DERA: variants seen among roughly 807,000 people sequenced by gnomAD.
DERA encodes deoxyribose-phosphate aldolase.
A neutral mutation model predicts 41.1 loss-of-function variants in DERA; 15 were observed. That is an observed-to-expected ratio of 0.37 (90% CI 0.24 to 0.56). The LOEUF (loss-of-function observed/expected upper bound fraction) is 0.56. Ranked by LOEUF, DERA falls within the 20% of genes least tolerant of loss-of-function variation. The pLI, the probability that DERA is intolerant of heterozygous loss-of-function variation, is 0.81. For synonymous variants in DERA, 139 were observed against 137.4 expected (o/e 1.01, Z -0.08); for missense variants, 396 against 403.4 (o/e 0.98, Z 0.16).
rs1948857571 is a variant in DERA at position 15,998,991 on chromosome 12, A to C, written c.637+16555A>C. 6.6e-6 allele frequency among the ~76,000 whole-genome samples: 1 copy of C among 152,216 alleles called. No individual in the cohort carries two copies. Among genetic ancestry groups the C allele is most frequent in the South Asian group, 2.1e-4 (1 of 4,828 alleles). On this transcript the variant is annotated intron_variant, in intron 6 of 8. Coordinates refer to ENST00000428559, the MANE Select transcript of DERA (RefSeq NM_015954.4). The surrounding 1 kb of genome is among the most constrained non-coding windows in gnomAD (Gnocchi z 4.8). ...ATTCTTCTACTGTTCTGATAGCACT[A>C]TCAAGATTTCACCTCCTTTCATCTT...
In DERA at chr12:15,979,457, G is replaced by T. The variant is rs79021797; in HGVS notation, c.509-2851G>T. On this transcript the variant is annotated intron_variant, in intron 5 of 8. Transcript: ENST00000428559. ...TTGCCTCACTCTTTAAGATTCAAAG[G>T]CCTGAGTAGAAGCAATCACTTGATA... Among the ~76,000 whole-genome samples the T allele has an allele frequency of 3.3e-3, 507 of 152,306 alleles. 1 individual carries two copies. The highest frequency in any genetic ancestry group is 0.01 in the Middle Eastern group (3 of 294).
At position 15,988,298 on chromosome 12, in the gene DERA, G is replaced by A. The variant is rs1948778843; in HGVS notation, c.637+5862G>A. 6.6e-6 allele frequency among the ~76,000 whole-genome samples: 1 copy of A among 152,202 alleles called. No homozygotes were observed. Among genetic ancestry groups the A allele is most frequent in the Non-Finnish European group, 1.5e-5 (1 of 68,034 alleles). ...GCCATTTGGTGGGTCCTGAGTTCTTGTCCTGTGTCCAGGAAGAAAGAAGTA... is the reference window on the plus strand; with the variant it reads ...GCCATTTGGTGGGTCCTGAGTTCTTATCCTGTGTCCAGGAAGAAAGAAGTA... On this transcript the variant is annotated intron_variant, in intron 6 of 8. Coordinates refer to ENST00000428559, the MANE Select transcript of DERA (RefSeq NM_015954.4). This position sits in a 1 kb window ranked among gnomAD's most constrained non-coding sequence, Gnocchi z 6.0.
chr12:15,930,194 A>T lies in DERA; in HGVS notation c.31+18780A>T, dbSNP rs191563870. ...ATTCTGACCTTAAAGCTAAAGAATA[A>T]TTGTGAACAGGGGTATTTGCTGACT... On this transcript the variant is annotated intron_variant, in intron 1 of 8. Coordinates refer to ENST00000428559, the MANE Select transcript of DERA (RefSeq NM_015954.4). 1.9e-3 allele frequency among the ~76,000 whole-genome samples: 285 copies of T among 152,292 alleles called. 3 individuals carry two copies. The highest frequency in any genetic ancestry group is 6.5e-3 in the African/African-American group (270 of 41,574).
rs1040930673 is a variant in DERA at position 15,931,832 on chromosome 12, A to G, written c.31+20418A>G. On this transcript the variant is annotated intron_variant, in intron 1 of 8. Coordinates refer to ENST00000428559, the MANE Select transcript of DERA (RefSeq NM_015954.4). This position sits in a 1 kb window ranked among gnomAD's most constrained non-coding sequence, Gnocchi z 4.6. ...TAATTCTCATGAGAGTGGGTTGTTA[A>G]AAATAATCTGGCTTCCTTGTTTTTT... Among the ~76,000 whole-genome samples the G allele has an allele frequency of 1.3e-5, 2 of 152,186 alleles. No individual in the cohort carries two copies. Among genetic ancestry groups the G allele is most frequent in the South Asian group, 2.1e-4 (1 of 4,822 alleles).
chr12:16,036,213 T>A lies in DERA; in HGVS notation c.751-19T>A, dbSNP rs1487048415. ...CCAATAACAATAAAGATTGTTCTAT[T>A]CTCTGCCTTCCCATTTAGATAGGGT... On this transcript the variant is annotated intron_variant, in intron 7 of 8. Transcript: ENST00000428559. The surrounding 1 kb of genome is among the most constrained non-coding windows in gnomAD (Gnocchi z 4.9). 2 of 1,583,672 alleles carry A rather than the reference T, an allele frequency of 1.3e-6. No homozygotes were observed. The highest frequency in any genetic ancestry group is 1.7e-4 in the Middle Eastern group (1 of 5,878).
chr12:15,958,735 A>C (rs1469957293), intron 3 of DERA, among the ~76,000 whole-genome samples: 1 of 152,198 alleles, frequency 6.6e-6, no homozygotes, highest in African/African-American at 2.4e-5. Context: ...TATATGAAAT[A>C]CTTTTGAAAA....
chr12:16,033,202 T>A (rs1178767607), intron 7 of DERA, among the ~76,000 whole-genome samples: 1 of 152,236 alleles, frequency 6.6e-6, no homozygotes, highest in Non-Finnish European at 1.5e-5. Context: ...CAGAAAAACT[T>A]ATTACTTTTA....
intron 1 of DERA, among the ~76,000 whole-genome samples, chr12:15,926,695 C>G (rs1948287714): frequency 6.8e-6 from 1 of 147,172 alleles, no homozygotes; most frequent in Non-Finnish European, 1.5e-5. Context: ...GAGATCCCAC[C>G]ACTGCACTCC....
chr12:15,965,523 C>T lies in DERA; in HGVS notation c.508+2576C>T, dbSNP rs968053482. 1.3e-5 allele frequency among the ~76,000 whole-genome samples: 2 copies of T among 152,036 alleles called. No homozygotes were observed. The highest frequency in any genetic ancestry group is 6.6e-5 in the Admixed American group (1 of 15,262). On this transcript the variant is annotated intron_variant, in intron 5 of 8. Transcript: ENST00000428559. This position sits in a 1 kb window ranked among gnomAD's most constrained non-coding sequence, Gnocchi z 4.1. Reference sequence around the variant, plus strand: ...GTGTCCATGTGTTCTCATTAAGAGCCCCATTTTTTAAACCTGGCCCTTCAG... The same window carrying T: ...GTGTCCATGTGTTCTCATTAAGAGCTCCATTTTTTAAACCTGGCCCTTCAG...
intron 1 of DERA, among the ~76,000 whole-genome samples, chr12:15,937,249 C>G (rs1948375235): frequency 6.6e-6 from 1 of 152,126 alleles, no homozygotes; most frequent in African/African-American, 2.4e-5. Flanking sequence ...AGCCACTGTG[C>G]CCAGCCTGTA....
rs1948253502 is a variant in DERA at position 15,922,817 on chromosome 12, T to C, written c.31+11403T>C. Among the ~76,000 whole-genome samples, 1 of 152,126 alleles carries C rather than the reference T, an allele frequency of 6.6e-6. No homozygotes were observed. The highest frequency in any genetic ancestry group is 1.5e-5 in the Non-Finnish European group (1 of 68,018). On this transcript the variant is annotated intron_variant, in intron 1 of 8. Transcript: ENST00000428559. This position sits in a 1 kb window ranked among gnomAD's most constrained non-coding sequence, Gnocchi z 4.9. ...GGAGGGGCTTCAGTACATTGGCTTG[T>C]ACTTTCCAAGTCTGTAAAACAGACA... is the stretch of plus-strand genomic sequence containing the variant.
At chr12:15,986,220 C>G (rs1948763556) in intron 6 of DERA, among the ~76,000 whole-genome samples, 1 of 152,054 alleles carries the variant, frequency 6.6e-6, no homozygotes. Context: ...TTTTTATTTT[C>G]AACCCATCTG....
At chr12:15,925,189 C>G (rs1196208221) in intron 1 of DERA, among the ~76,000 whole-genome samples, 1 of 147,042 alleles carries the variant, frequency 6.8e-6, no homozygotes, top group African/African-American at 2.5e-5. Context: ...GGTCTTTGTT[C>G]TTTGGGAATG....
chr12:15,987,145 TTATC>T (rs1355185654), intron 6 of DERA, among the ~76,000 whole-genome samples: 1 of 152,108 alleles, frequency 6.6e-6, no homozygotes, highest in Non-Finnish European at 1.5e-5. Context: ...TTCTTTGTAT[TTATC>T]CTGAACTTTT....
intron 5 of DERA, among the ~76,000 whole-genome samples, chr12:15,963,686 A>C (rs1309685781): frequency 1.3e-5 from 2 of 152,222 alleles, no homozygotes; most frequent in Non-Finnish European, 2.9e-5. Context: ...TAATGAAATC[A>C]CAAGTTAAAG....
At chr12:15,951,718 A>G (rs1252105047) in intron 1 of DERA, among the ~76,000 whole-genome samples, 3 of 152,342 alleles carry the variant, frequency 2.0e-5, no homozygotes, top group Middle Eastern at 6.8e-3. Context: ...AAACACTTCT[A>G]TCAATTTGGC....
intron 5 of DERA, chr12:15,971,892 A>G: frequency 6.2e-6 from 2 of 324,204 alleles, no homozygotes; most frequent in South Asian, 6.6e-5. Flanking sequence ...GAGCACAGTC[A>G]ATCTTCAGTG....
chr12:15,950,023 C>T (rs1948485344), intron 1 of DERA, among the ~76,000 whole-genome samples: 1 of 152,102 alleles, frequency 6.6e-6, no homozygotes, highest in African/African-American at 2.4e-5. Context: ...ACACTGTGTC[C>T]CTGCTTTGCC....
rs186936965 is a variant in DERA, at chr12:15,992,821, A to T, written c.637+10385A>T. 3.9e-5 allele frequency among the ~76,000 whole-genome samples: 6 copies of T among 152,324 alleles called. No homozygotes were observed. The highest frequency in any genetic ancestry group is 2.6e-4 in the Admixed American group (4 of 15,296). ...CTTTCAGTAGCGGTGGACTGTTCGC[A>T]CACACTCAACAGTTAACAAGCTCCG... On this transcript the variant is annotated intron_variant, in intron 6 of 8. Coordinates refer to ENST00000428559, the MANE Select transcript of DERA (RefSeq NM_015954.4). This position sits in a 1 kb window ranked among gnomAD's most constrained non-coding sequence, Gnocchi z 4.3.
Sources: allele counts gnomAD v4.1 joint callset (sites outside exome capture counted in the v4.1 genomes callset), GRCh38; gene constraint gnomAD v4.1.1; non-coding constraint Gnocchi (gnomAD v3.1); transcripts MANE v1.5; gene names NCBI Gene and HGNC (gene_info 2026-07-23, HGNC 2026-07-21).